TSPEAR: variants seen among roughly 807,000 people sequenced by gnomAD.
TSPEAR encodes thrombospondin type laminin G domain and EAR repeats.
Under a neutral mutation model 71.6 loss-of-function variants are expected in TSPEAR, and 69 were observed. That is an observed-to-expected ratio of 0.96 (90% CI 0.79 to 1.18). The LOEUF (loss-of-function observed/expected upper bound fraction) is 1.18. Among genes scored for constraint, TSPEAR ranks in the 50% most tolerant of loss-of-function variants. TSPEAR has a pLI of 0.00. For synonymous variants in TSPEAR, 402 were observed against 387.2 expected (o/e 1.04, Z -0.45); for missense variants, 971 against 894.9 (o/e 1.09, Z -1.09).
At position 44,593,719 on chromosome 21, in the gene TSPEAR, C is replaced by T. The variant is rs928673068; in HGVS notation, c.83-25714G>A. On this transcript the variant is annotated intron_variant, in intron 1 of 11. Transcript: ENST00000323084. The surrounding 1 kb of genome is among the most constrained non-coding windows in gnomAD (Gnocchi z 5.9). Reference sequence around the variant, plus strand: ...TCAAATTACAAACAGGACCTCAGGCCGCGCCAGGCAAGGGACAAGCCGCGT... The same window carrying T: ...TCAAATTACAAACAGGACCTCAGGCTGCGCCAGGCAAGGGACAAGCCGCGT... Among the ~76,000 whole-genome samples, 3 of 152,152 alleles carry T rather than the reference C, an allele frequency of 2.0e-5. No individual in the cohort carries two copies. The highest frequency in any genetic ancestry group is 2.4e-5 in the African/African-American group (1 of 41,434).
chr21:44,551,789 C>T (rs1404502878), intron 2 of TSPEAR, among the ~76,000 whole-genome samples: 5 of 152,138 alleles, frequency 3.3e-5, no homozygotes, highest in African/African-American at 1.2e-4. Context: ...CTGGGGCTGA[C>T]CTGGTGACTT....
intron 1 of TSPEAR, among the ~76,000 whole-genome samples, chr21:44,590,533 T>A (rs1450936772): frequency 1.3e-5 from 2 of 152,104 alleles, no homozygotes; most frequent in Non-Finnish European, 2.9e-5. Context: ...GAGCAATGGG[T>A]ATTCCAGAAC....
intron 1 of TSPEAR, among the ~76,000 whole-genome samples, chr21:44,675,656 A>C (rs1986276246): frequency 6.6e-6 from 1 of 152,202 alleles, no homozygotes; most frequent in African/African-American, 2.4e-5. Flanking sequence ...AAAACAGAAA[A>C]TGTTACACGA....
intron 1 of TSPEAR, among the ~76,000 whole-genome samples, chr21:44,701,143 T>G (rs1200852661): frequency 6.6e-6 from 1 of 152,216 alleles, no homozygotes; most frequent in Non-Finnish European, 1.5e-5. Context: ...CGACACATCA[T>G]TATTGTACAT....
In TSPEAR at chr21:44,499,712, G is replaced by C; in HGVS notation, c.*71C>G. 6.9e-7 allele frequency: 1 copy of C among 1,454,502 alleles called. No homozygotes were observed. Among genetic ancestry groups the C allele is most frequent in the Non-Finnish European group, 9.1e-7 (1 of 1,098,324 alleles). The allele number at this position is 1,454,502 out of a possible 1,614,324, so 90.1% of individuals were successfully genotyped here. On this transcript the variant is annotated 3_prime_UTR_variant, in exon 12 of 12. Coordinates refer to ENST00000323084, the MANE Select transcript of TSPEAR (RefSeq NM_144991.3). ...TAGGCTGGGCCCACCTGGACGTCCAGGGTCAGTTGGGGGAGGTGCTGGGGT... is the reference window on the plus strand; with the variant it reads ...TAGGCTGGGCCCACCTGGACGTCCACGGTCAGTTGGGGGAGGTGCTGGGGT...
intron 1 of TSPEAR, among the ~76,000 whole-genome samples, chr21:44,688,432 A>G (rs2146307884): frequency 2.0e-5 from 3 of 152,206 alleles, no homozygotes; most frequent in Middle Eastern, 3.4e-3. Context: ...ATGAAAAGGA[A>G]AGAGACGGCC....
At chr21:44,669,159 T>C (rs1418330528) in intron 1 of TSPEAR, among the ~76,000 whole-genome samples, 1 of 152,206 alleles carries the variant, frequency 6.6e-6, no homozygotes, top group Non-Finnish European at 1.5e-5. Flanking sequence ...CTCAGGTGGC[T>C]CACGCCTGTA....
At chr21:44,511,057 T>C (rs1327551063) in intron 9 of TSPEAR, 2 of 152,280 alleles carry the variant, frequency 1.3e-5, no homozygotes, top group African/African-American at 2.4e-5. Context: ...CATCTGGACT[T>C]TGGCTGCCTC....
At chr21:44,611,388 T>C (rs935706885) in intron 1 of TSPEAR, among the ~76,000 whole-genome samples, 4 of 152,104 alleles carry the variant, frequency 2.6e-5, no homozygotes, top group Non-Finnish European at 5.9e-5. Flanking sequence ...GCTTCTGCTT[T>C]TGCTTCTTCC....
rs587675316 is a variant in TSPEAR, at chr21:44,500,608, G to C, written c.1857-672C>G. On this transcript the variant is annotated intron_variant, in intron 11 of 11. Transcript: ENST00000323084. ...AACCGTGGTGGCTTCTGCTCTCACG[G>C]GAAAGGGCAGGGTGGGGTCCCCCTG... is the stretch of plus-strand genomic sequence containing the variant. Among the ~76,000 whole-genome samples the C allele has an allele frequency of 3.3e-5, 5 of 152,336 alleles. No homozygotes were observed. In the South Asian group the frequency reaches 1.0e-3, roughly 32 times the overall value.
chr21:44,697,341 G>C lies in TSPEAR; in HGVS notation c.82+14092C>G, dbSNP rs564420923. ...CCCCCCTGCTGCGCCCCGGCCCCCTGCCTGAGCCTGGTCTGCACCCCAGTG... is the reference window on the plus strand; with the variant it reads ...CCCCCCTGCTGCGCCCCGGCCCCCTCCCTGAGCCTGGTCTGCACCCCAGTG... On this transcript the variant is annotated intron_variant, in intron 1 of 11. Coordinates refer to ENST00000323084, the MANE Select transcript of TSPEAR (RefSeq NM_144991.3). The C allele has an allele frequency of 1.2e-6, 2 of 1,613,158 alleles. No individual in the cohort carries two copies. Among genetic ancestry groups the C allele is most frequent in the South Asian group, 1.1e-5 (1 of 91,034 alleles).
chr21:44,581,453 C>A (rs147262804), intron 1 of TSPEAR, among the ~76,000 whole-genome samples: 18 of 152,226 alleles, frequency 1.2e-4, no homozygotes, highest in African/African-American at 2.2e-4. Flanking sequence ...AAATGATGAA[C>A]CTGTGTCACC....
At chr21:44,507,851 C>T (rs1364791700) in intron 10 of TSPEAR, among the ~76,000 whole-genome samples, 1 of 152,280 alleles carries the variant, frequency 6.6e-6, no homozygotes, top group African/African-American at 2.4e-5. Flanking sequence ...GTGCCTGTTT[C>T]TCCTGCCATG....
At chr21:44,603,250 T>C (rs1210653926) in intron 1 of TSPEAR, among the ~76,000 whole-genome samples, 1 of 152,108 alleles carries the variant, frequency 6.6e-6, no homozygotes, top group Non-Finnish European at 1.5e-5. Context: ...GGCACTCCTC[T>C]GCCCCTACCC....
chr21:44,637,896 T>A (rs781945427), intron 1 of TSPEAR: 1 of 1,531,660 alleles, frequency 6.5e-7, no homozygotes, highest in Non-Finnish European at 8.9e-7. Context: ...TATGTGCCTG[T>A]GTGCTCTGGG....
At chr21:44,500,978 C>T (rs587641981) in intron 11 of TSPEAR, among the ~76,000 whole-genome samples, 3 of 152,312 alleles carry the variant, frequency 2.0e-5, no homozygotes, top group African/African-American at 7.2e-5. Flanking sequence ...TGAGGTTATA[C>T]AACTGCCTTC....
chr21:44,511,647 G>T lies in TSPEAR; in HGVS notation c.1567-2261C>A, dbSNP rs587619875. The stretch of plus-strand genomic sequence containing the variant: ...CACACAGCACAGCTCTCCCCACATT[G>T]CTGGAAAAGACTGAGGACACACGCC... On this transcript the variant is annotated intron_variant, in intron 9 of 11. Transcript: ENST00000323084. Among the ~76,000 whole-genome samples the T allele has an allele frequency of 2.6e-5, 4 of 152,346 alleles. No homozygotes were observed. The South Asian group carries it at 8.3e-4, about 32-fold the overall frequency.
intron 1 of TSPEAR, among the ~76,000 whole-genome samples, chr21:44,678,384 C>T (rs1419468486): frequency 6.6e-6 from 1 of 151,922 alleles, no homozygotes; most frequent in Non-Finnish European, 1.5e-5. Flanking sequence ...GTGTGGCATC[C>T]TCACCCCACC....
At chr21:44,565,719 G>A (rs1555921661) in intron 2 of TSPEAR, among the ~76,000 whole-genome samples, 2 of 152,152 alleles carry the variant, frequency 1.3e-5, no homozygotes, top group South Asian at 4.1e-4. Flanking sequence ...TGCTCAATTT[G>A]TTAAGGGCAT....
Sources: allele counts gnomAD v4.1 joint callset (sites outside exome capture counted in the v4.1 genomes callset), GRCh38; gene constraint gnomAD v4.1.1; non-coding constraint Gnocchi (gnomAD v3.1); transcripts MANE v1.5; gene names NCBI Gene and HGNC (gene_info 2026-07-23, HGNC 2026-07-21).